The following FAM83G variants were observed in gnomAD, a reference collection of about 807,000 sequenced individuals.
The protein encoded by FAM83G is scaffolding CK1 anchoring protein G.
FAM83G carries 38 observed loss-of-function variants against 61.5 expected under a neutral mutation model. That is an observed-to-expected ratio of 0.62 (90% CI 0.48 to 0.81). The LOEUF is 0.81. Among genes scored for constraint, FAM83G ranks in the 30% least tolerant of loss-of-function variants. The pLI, the probability that FAM83G is intolerant of heterozygous loss-of-function variation, is 0.00. For synonymous variants in FAM83G, 470 were observed against 476.1 expected, an observed-to-expected ratio of 0.99 and a Z score of 0.17; for missense variants, 989 against 1,133.6, an observed-to-expected ratio of 0.87 and a Z score of 1.83.
At position 18,973,029 on chromosome 17, in the gene FAM83G, G is replaced by A. The variant is rs563135689; in HGVS notation, c.2083-1281C>T. ...TGCCCACATCCGCCATGCCTCATGG[G>A]AGGGCTTTCCAGGGAACATGTGGGC... On this transcript the variant is annotated intron_variant, in intron 5 of 5. Coordinates refer to ENST00000388995, the MANE Select transcript of FAM83G (RefSeq NM_001039999.3). 1.6e-4 allele frequency among the ~76,000 whole-genome samples: 24 copies of A among 152,338 alleles called. No individual in the cohort carries two copies. The East Asian group carries it at 3.5e-3, about 22-fold the overall frequency.
rs1225806911 is a variant in FAM83G, at chr17:18,977,789, G to A, written c.1877C>T (p.Ser626Leu). 6.2e-7 allele frequency: 1 copy of A among 1,602,976 alleles called. No homozygotes were observed. Among genetic ancestry groups the A allele is most frequent in the Non-Finnish European group, 8.5e-7 (1 of 1,174,106 alleles). Residue 626 changes from serine to leucine, a missense_variant, in exon 5 of 6, where the codon TCA becomes TTA. By Grantham distance (145) the Ser-to-Leu change is moderately radical. This residue lies in a region of FAM83G where 574 missense variants were observed against 645.1 expected (regional missense o/e 0.89). Transcript: ENST00000388995. Reference protein sequence around the residue: ...SEEYFEVREHSVPLRRRHSEQ... With the variant: ...SEEYFEVREHLVPLRRRHSEQ... ...TGAGTGGCGCCTCCGGAGAGGGACT[G>A]AGTGCTCTCTCACCTCGAAGTACTC...
intron 5 of FAM83G, among the ~76,000 whole-genome samples, chr17:18,974,995 G>GA (rs1263630663): frequency 6.6e-6 from 1 of 152,200 alleles, no homozygotes; most frequent in Admixed American, 6.5e-5. Context: ...ACAGCTCATG[G>GA]AAACTCTGAG....
At chr17:18,991,853 C>T (rs573471220) in intron 2 of FAM83G, among the ~76,000 whole-genome samples, 2 of 152,298 alleles carry the variant, frequency 1.3e-5, no homozygotes, top group East Asian at 3.9e-4. Context: ...CTTGAGGCCT[C>T]GAAGATGCAG....
At chr17:18,982,224 C>T (rs1426408282) in intron 3 of FAM83G, among the ~76,000 whole-genome samples, 1 of 152,186 alleles carries the variant, frequency 6.6e-6, no homozygotes. Flanking sequence ...CACAGCAGGG[C>T]GGGCCTCCAA....
upstream of FAM83G, among the ~76,000 whole-genome samples, chr17:19,005,838 G>T (rs776892648): frequency 1.3e-5 from 2 of 152,188 alleles, no homozygotes; most frequent in African/African-American, 2.4e-5. Context: ...TGAACATAGT[G>T]GCCCCTGGGG....
rs1222840183 is a variant in FAM83G at position 18,969,999 on chromosome 17, A to C, written c.*1360T>G. On this transcript the variant is annotated 3_prime_UTR_variant, in exon 6 of 6. Coordinates refer to ENST00000388995, the MANE Select transcript of FAM83G (RefSeq NM_001039999.3). ...GCCAGGAGGATCCCTCAGAGAGTGA[A>C]CAAATCTCTAAAGACTCTTCCAGAC... 2.0e-5 allele frequency: 3 copies of C among 152,422 alleles called. No individual in the cohort carries two copies. Among genetic ancestry groups the C allele is most frequent in the African/African-American group, 7.2e-5 (3 of 41,474 alleles). 9.4% of individuals were successfully genotyped at this position (152,422 alleles called of 1,614,324 possible). A position where few individuals can be genotyped will look rare whatever the true frequency, so the allele number is the denominator to read the frequency against.
intron 5 of FAM83G, among the ~76,000 whole-genome samples, chr17:18,972,867 TAAAAA>T (rs35947526): frequency 1.5e-5 from 2 of 137,814 alleles, no homozygotes; most frequent in South Asian, 2.3e-4. Context: ...AGACTCCGTC[TAAAAA>T]AAAAAAAAAA....
At chr17:18,973,884 GTTTTTTTTTTTTTT>G (rs35778801) in intron 5 of FAM83G, among the ~76,000 whole-genome samples, 1 of 95,740 alleles carries the variant, frequency 1.0e-5, no homozygotes, top group East Asian at 3.1e-4. Context: ...TTTTTTTTAA[GTTTTTTTTTTTTTT>G]TTTTTTTTCC....
chr17:18,981,845 G>C (rs1219263965), intron 3 of FAM83G, among the ~76,000 whole-genome samples: 1 of 152,168 alleles, frequency 6.6e-6, no homozygotes, highest in Non-Finnish European at 1.5e-5. Context: ...GACAATTAGC[G>C]CTCGTGACTT....
intron 5 of FAM83G, chr17:18,976,807 A>G: frequency 1.9e-6 from 3 of 1,603,950 alleles, no homozygotes; most frequent in Non-Finnish European, 2.6e-6. Flanking sequence ...TCCTGACACA[A>G]GTGTCCCTCA....
At chr17:18,988,927 C>T (rs1033411357) in intron 2 of FAM83G, among the ~76,000 whole-genome samples, 1 of 152,220 alleles carries the variant, frequency 6.6e-6, no homozygotes, top group African/African-American at 2.4e-5. Flanking sequence ...CCCAGCCAAG[C>T]ACCACCAACA....
intron 2 of FAM83G, among the ~76,000 whole-genome samples, chr17:18,997,635 C>T (rs1240056827): frequency 6.6e-6 from 1 of 152,230 alleles, no homozygotes; most frequent in Non-Finnish European, 1.5e-5. Context: ...TGCCCAAGGT[C>T]ACAAAGCACA....
chr17:18,984,241 C>T (rs2043209561), intron 3 of FAM83G, among the ~76,000 whole-genome samples: 1 of 148,392 alleles, frequency 6.7e-6, no homozygotes, highest in Non-Finnish European at 1.5e-5. Context: ...ACTGGGGAGG[C>T]TGAAGCAGGA....
At chr17:18,993,151 C>G (rs115006863) in intron 2 of FAM83G, among the ~76,000 whole-genome samples, 1 of 152,156 alleles carries the variant, frequency 6.6e-6, no homozygotes, top group Non-Finnish European at 1.5e-5. Flanking sequence ...TTCAGGGGGG[C>G]CCTAAACCAA....
intron 3 of FAM83G, among the ~76,000 whole-genome samples, chr17:18,983,193 G>A (rs1028628383): frequency 6.6e-6 from 1 of 152,260 alleles, no homozygotes; most frequent in African/African-American, 2.4e-5. Flanking sequence ...CGGGACTGAG[G>A]ACAGGGCTCT....
rs187367316 is a variant in FAM83G at position 19,003,292 on chromosome 17, G to A, written c.522+228C>T. 1.4e-3 allele frequency among the ~76,000 whole-genome samples: 218 copies of A among 151,886 alleles called. No individual in the cohort carries two copies. Among genetic ancestry groups the A allele is most frequent in the Admixed American group, 1.8e-3 (27 of 15,258 alleles). Reference sequence around the variant, plus strand: ...ACAATAAAGAGGCCCTTTGAGACGGGGCAGCCCACTGTCACCTGCTAGGAC... The same window carrying A: ...ACAATAAAGAGGCCCTTTGAGACGGAGCAGCCCACTGTCACCTGCTAGGAC... On this transcript the variant is annotated intron_variant, in intron 2 of 5. Coordinates refer to ENST00000388995, the MANE Select transcript of FAM83G (RefSeq NM_001039999.3). This position sits in a 1 kb window ranked among gnomAD's most constrained non-coding sequence, Gnocchi z 4.5.
intron 2 of FAM83G, among the ~76,000 whole-genome samples, chr17:18,990,581 G>T (rs1428524796): frequency 4.6e-5 from 7 of 152,050 alleles, no homozygotes; most frequent in Non-Finnish European, 2.9e-5. Flanking sequence ...AGCAGGACCC[G>T]CACCATGTGC....
In FAM83G at chr17:19,003,746, T is replaced by C; in HGVS notation, c.296A>G (p.Glu99Gly). Reference sequence around the variant, plus strand: ...GACCCCATCCGCCCCGCTGGCTTCCTCGCCGTCGCCGACCCCATTGTCCTC... The same window carrying C: ...GACCCCATCCGCCCCGCTGGCTTCCCCGCCGTCGCCGACCCCATTGTCCTC... ...GPEDNGVGDG[E>G]EASGADGVPI... Residue 99 changes from glutamate (E) to glycine (G), a missense_variant, in exon 2 of 6, where the codon GAG becomes GGG. By Grantham distance (98) the Glu-to-Gly change is moderately conservative (BLOSUM62 -2). Around this residue, in one of 3 missense-constraint regions of FAM83G, gnomAD observed 371 missense variants for 404.5 expected, o/e 0.92. Coordinates refer to ENST00000388995, the MANE Select transcript of FAM83G (RefSeq NM_001039999.3). The surrounding 1 kb of genome is among the most constrained non-coding windows in gnomAD (Gnocchi z 4.5). 6.2e-7 allele frequency: 1 copy of C among 1,605,200 alleles called. No individual in the cohort carries two copies. Among genetic ancestry groups the C allele is most frequent in the Non-Finnish European group, 8.5e-7 (1 of 1,175,900 alleles).
intron 5 of FAM83G, chr17:18,975,939 A>C (rs1403279591): frequency 1.3e-5 from 2 of 152,182 alleles, no homozygotes; most frequent in Non-Finnish European, 2.9e-5. Flanking sequence ...TTGTAATCCC[A>C]GCACTTTGGG....
Sources: allele counts gnomAD v4.1 joint callset (sites outside exome capture counted in the v4.1 genomes callset), GRCh38; gene constraint gnomAD v4.1.1; regional missense constraint gnomAD v4.1.1; non-coding constraint Gnocchi (gnomAD v3.1); transcripts MANE v1.5; gene names NCBI Gene and HGNC (gene_info 2026-07-23, HGNC 2026-07-21).